Variants in RBFOX3 observed in about 807,000 individuals in gnomAD.
RBFOX3 encodes the protein RNA binding fox-1 homolog 3.
In RBFOX3, 17 loss-of-function variants were observed where a neutral mutation model predicts 48.7. The observed-to-expected ratio is 0.35, with a 90% CI of 0.24 to 0.52. The LOEUF (loss-of-function observed/expected upper bound fraction) is 0.52, where lower values mean the gene tolerates loss of function less well. RBFOX3 is among the 20% of genes least tolerant of loss of function. The pLI is 0.94. For synonymous variants in RBFOX3, 212 were observed against 209.5 expected, an observed-to-expected ratio of 1.01 and a Z score of -0.10; for missense variants, 382 against 497.5, an observed-to-expected ratio of 0.77 and a Z score of 2.21.
intron 2 of RBFOX3, among the ~76,000 whole-genome samples, chr17:79,431,348 T>C (rs981618515): frequency 2.0e-5 from 3 of 152,176 alleles, no homozygotes; most frequent in Admixed American, 6.5e-5. Context: ...AGTTTCACTC[T>C]TGTCCCCAAG....
intron 1 of RBFOX3, among the ~76,000 whole-genome samples, chr17:79,589,462 GC>G (rs1183562760): frequency 6.6e-6 from 1 of 152,098 alleles, no homozygotes; most frequent in Non-Finnish European, 1.5e-5. Context: ...TTGGATTAGG[GC>G]CCCCCATCCC....
At chr17:79,189,128 T>G (rs896543566) in intron 4 of RBFOX3, among the ~76,000 whole-genome samples, 2 of 152,262 alleles carry the variant, frequency 1.3e-5, no homozygotes, top group African/African-American at 4.8e-5. Context: ...GAATGGCAAT[T>G]TATTATTACT....
intron 2 of RBFOX3, among the ~76,000 whole-genome samples, chr17:79,452,644 G>C (rs1359459532): frequency 2.0e-5 from 3 of 152,120 alleles, no homozygotes; most frequent in African/African-American, 7.2e-5. Context: ...GAGAGGGGAG[G>C]CTCCAGGAAG....
chr17:79,356,377 T>TGTTTTTGTTTC (rs1568101292), intron 2 of RBFOX3, among the ~76,000 whole-genome samples: 1 of 103,868 alleles, frequency 9.6e-6, no homozygotes, highest in Non-Finnish European at 1.9e-5. Flanking sequence ...TTTTTTTTTT[T>TGTTTTTGTTTC]TTTTTTTTTG....
chr17:79,320,126 G>A (rs1315970336), intron 2 of RBFOX3, among the ~76,000 whole-genome samples: 2 of 152,198 alleles, frequency 1.3e-5, no homozygotes, highest in African/African-American at 4.8e-5. Context: ...TGGCATGTGG[G>A]AGGCTTGAGT....
At chr17:79,170,491 G>C (rs1467685622) in intron 4 of RBFOX3, among the ~76,000 whole-genome samples, 1 of 152,092 alleles carries the variant, frequency 6.6e-6, no homozygotes, top group Non-Finnish European at 1.5e-5. Flanking sequence ...GGGGGGGCAA[G>C]GCCTGGTCAG....
chr17:79,585,125 G>A (rs891062295), intron 1 of RBFOX3, among the ~76,000 whole-genome samples: 58 of 152,188 alleles, frequency 3.8e-4, no homozygotes, highest in Non-Finnish European at 8.2e-4. Flanking sequence ...GATAAAAGAC[G>A]ACACACTGAG....
chr17:79,304,226 T>C (rs1568008269), intron 3 of RBFOX3, among the ~76,000 whole-genome samples: 1 of 152,048 alleles, frequency 6.6e-6, no homozygotes, highest in Non-Finnish European at 1.5e-5. Flanking sequence ...GGTTTTTCTA[T>C]GCAACAGAAT....
At chr17:79,467,754 G>A (rs750336606) in intron 2 of RBFOX3, among the ~76,000 whole-genome samples, 105 of 152,262 alleles carry the variant, frequency 6.9e-4, no homozygotes, top group South Asian at 1.9e-3. Context: ...TCTCCTCCCT[G>A]GGATCACTAT....
chr17:79,286,036 G>A (rs145799970), intron 3 of RBFOX3, among the ~76,000 whole-genome samples: 8 of 152,294 alleles, frequency 5.3e-5, no homozygotes, highest in Non-Finnish European at 1.2e-4. Context: ...GAAAGTCAAT[G>A]GGCAGAATGG....
At chr17:79,218,280 G>C (rs533384014) in intron 4 of RBFOX3, among the ~76,000 whole-genome samples, 8 of 152,108 alleles carry the variant, frequency 5.3e-5, no homozygotes, top group Non-Finnish European at 7.4e-5. Context: ...ACTGGGGTGG[G>C]TGACATGGCT....
At chr17:79,297,976 G>A (rs945840343) in intron 3 of RBFOX3, among the ~76,000 whole-genome samples, 4 of 152,222 alleles carry the variant, frequency 2.6e-5, no homozygotes, top group Non-Finnish European at 4.4e-5. Flanking sequence ...TCCCATTCTG[G>A]TAGCTTCTCC....
chr17:79,529,036 G>C (rs2087264492), intron 1 of RBFOX3, among the ~76,000 whole-genome samples: 1 of 152,234 alleles, frequency 6.6e-6, no homozygotes, highest in Admixed American at 6.5e-5. Context: ...TCAGGTAGAG[G>C]TGGGGACATG....
chr17:79,103,061 C>G lies in RBFOX3; in HGVS notation c.507+101G>C. 1 of 889,338 alleles carries G rather than the reference C, an allele frequency of 1.1e-6. No homozygotes were observed. Among genetic ancestry groups the G allele is most frequent in the Non-Finnish European group, 1.8e-6 (1 of 558,372 alleles). 55.1% of individuals were successfully genotyped at this position (889,338 alleles called of 1,614,324 possible). A position where few individuals can be genotyped will look rare whatever the true frequency, so the allele number is the denominator to read the frequency against. Reference sequence around the variant, plus strand: ...CACCCCAGGGAACCCTGGCCAGGCTCTCTGAAGGGTGCGGCAGTGGCAGGG... The same window carrying G: ...CACCCCAGGGAACCCTGGCCAGGCTGTCTGAAGGGTGCGGCAGTGGCAGGG... On this transcript the variant is annotated intron_variant, in intron 8 of 14. Transcript: ENST00000693108. The surrounding 1 kb of genome is among the most constrained non-coding windows in gnomAD (Gnocchi z 6.1).
rs1316261470 is a variant in RBFOX3, at chr17:79,090,881, T to C, written c.*2A>G. The stretch of plus-strand genomic sequence containing the variant: ...GGTCCGAGAAGGAAACGGTGGAAGG[T>C]TTCACTACAACAGAAACAGAAAGGC... On this transcript the variant is annotated 3_prime_UTR_variant, in exon 15 of 15. Transcript: ENST00000693108. The C allele has an allele frequency of 2.6e-6, 4 of 1,534,962 alleles. No homozygotes were observed. In the South Asian group the frequency reaches 3.7e-5, roughly 14 times the overall value.
chr17:79,255,773 C>G (rs2064733218), intron 3 of RBFOX3, among the ~76,000 whole-genome samples: 1 of 151,992 alleles, frequency 6.6e-6, no homozygotes, highest in African/African-American at 2.4e-5. Context: ...TCTCCTCCTC[C>G]ATGGCTGCAA....
intron 2 of RBFOX3, among the ~76,000 whole-genome samples, chr17:79,312,756 T>C (rs2077028609): frequency 6.6e-6 from 1 of 152,180 alleles, no homozygotes; most frequent in Non-Finnish European, 1.5e-5. Context: ...TTTATTGGCT[T>C]AATAAACTGT....
At chr17:79,573,298 G>A (rs2092742699) in intron 1 of RBFOX3, among the ~76,000 whole-genome samples, 1 of 152,226 alleles carries the variant, frequency 6.6e-6, no homozygotes. Flanking sequence ...GGCAGAGGGA[G>A]CTGGGCATCG....
At chr17:79,468,974 GGATGGAT>G in intron 2 of RBFOX3, among the ~76,000 whole-genome samples, 1 of 148,128 alleles carries the variant, frequency 6.8e-6, no homozygotes, top group Non-Finnish European at 1.5e-5. Context: ...ATGGATGGAT[GGATGGAT>G]GGATGGATAG....
Sources: gnomAD v4.1 joint callset for allele counts (sites outside exome capture counted in the v4.1 genomes callset) on GRCh38, gnomAD v4.1.1 for gene constraint, Gnocchi (gnomAD v3.1) non-coding constraint, MANE v1.5 for transcripts, NCBI Gene and HGNC (gene_info 2026-07-23, HGNC 2026-07-21) for gene names.